Variants in CADM2 observed in about 807,000 individuals in gnomAD.
The protein encoded by CADM2 is immunoglobulin superfamily member 4D.
A neutral mutation model predicts 49.8 loss-of-function variants in CADM2; 12 were observed. The ratio of observed to expected loss-of-function variants is 0.24; its 90% confidence interval spans 0.15 to 0.39. CADM2 has a LOEUF of 0.39. CADM2 is among the 10% of genes least tolerant of loss of function. The pLI, the probability that CADM2 is intolerant of heterozygous loss-of-function variation, is 1.00. For missense variants in CADM2, 378 were observed against 492.3 expected, an observed-to-expected ratio of 0.77 and a Z score of 2.20; for synonymous variants, 214 against 175.4, an observed-to-expected ratio of 1.22 and a Z score of -1.74.
Position 85,617,329 on chromosome 3 carries a change from T to C in CADM2, c.62-109193T>C, listed in dbSNP as rs183076670. 3.1e-4 allele frequency among the ~76,000 whole-genome samples: 47 copies of C among 152,272 alleles called. 1 individual carries two copies. Among genetic ancestry groups the C allele is most frequent in the Admixed American group, 4.6e-4 (7 of 15,272 alleles). ...CAGAACTCAGGGAAACAGTTACTTA[T>C]GATTACCAGTTTATTACAAAGATAT... is the stretch of plus-strand genomic sequence containing the variant. On this transcript the variant is annotated intron_variant, in intron 1 of 9. Coordinates refer to ENST00000383699, the MANE Select transcript of CADM2 (RefSeq NM_001167675.2).
intron 1 of CADM2, among the ~76,000 whole-genome samples, chr3:85,597,536 C>A (rs1475475630): frequency 6.6e-6 from 1 of 152,000 alleles, no homozygotes; most frequent in African/African-American, 2.4e-5. Context: ...TAGTGGAAAA[C>A]AAATTATCAA....
At position 86,067,302 on chromosome 3, in the gene CADM2, C is replaced by T. The variant is rs1739440858; in HGVS notation, c.*519C>T. On this transcript the variant is annotated 3_prime_UTR_variant, in exon 10 of 10. Coordinates refer to ENST00000383699, the MANE Select transcript of CADM2 (RefSeq NM_001167675.2). ...GACAACATGCTTTGGAAACATATGT[C>T]CTAGAAAACATAAAATTAAAAAAAA... is the stretch of plus-strand genomic sequence containing the variant. 6.6e-6 allele frequency: 1 copy of T among 152,376 alleles called. No homozygotes were observed. The highest frequency in any genetic ancestry group is 6.6e-5 in the Admixed American group (1 of 15,244). 9.4% of individuals were successfully genotyped at this position (152,376 alleles called of 1,614,324 possible).
intron 1 of CADM2, among the ~76,000 whole-genome samples, chr3:85,633,911 T>G (rs1211094849): frequency 6.6e-6 from 1 of 152,032 alleles, no homozygotes; most frequent in Non-Finnish European, 1.5e-5. Context: ...TGCAATAGTG[T>G]CAATTCTGCC....
intron 1 of CADM2, among the ~76,000 whole-genome samples, chr3:85,059,812 C>A (rs2036237268): frequency 6.6e-6 from 1 of 152,148 alleles, no homozygotes; most frequent in Non-Finnish European, 1.5e-5. Flanking sequence ...GTCCTATAAA[C>A]CTTTCTTTTG....
chr3:85,231,495 G>T (rs1005892744), intron 1 of CADM2, among the ~76,000 whole-genome samples: 1 of 151,918 alleles, frequency 6.6e-6, no homozygotes, highest in Admixed American at 6.6e-5. Flanking sequence ...TCAGAGGTGG[G>T]CAAACACATG....
At chr3:85,276,696 GA>G (rs544741185) in intron 1 of CADM2, among the ~76,000 whole-genome samples, 3 of 149,204 alleles carry the variant, frequency 2.0e-5, no homozygotes, top group Non-Finnish European at 3.0e-5. Flanking sequence ...GGTGGTTTAT[GA>G]AAAAAAAAGC....
chr3:85,293,374 T>A (rs2106945938), intron 1 of CADM2, among the ~76,000 whole-genome samples: 1 of 149,942 alleles, frequency 6.7e-6, no homozygotes, highest in South Asian at 2.1e-4. Context: ...GAGGAACTGG[T>A]ACCATTCCTT....
chr3:84,968,205 A>G (rs889243974), intron 1 of CADM2, among the ~76,000 whole-genome samples: 1 of 151,884 alleles, frequency 6.6e-6, no homozygotes, highest in Admixed American at 6.6e-5. Flanking sequence ...TCTGTGTCCA[A>G]CTTCAGGATT....
chr3:85,691,316 A>G (rs1317542729), intron 1 of CADM2, among the ~76,000 whole-genome samples: 4 of 152,190 alleles, frequency 2.6e-5, no homozygotes, highest in African/African-American at 7.2e-5. Flanking sequence ...TCTCTGTGCA[A>G]TATTTTCTTT....
At chr3:85,105,052 T>C (rs576009866) in intron 1 of CADM2, among the ~76,000 whole-genome samples, 64 of 152,240 alleles carry the variant, frequency 4.2e-4, no homozygotes, top group Non-Finnish European at 7.9e-4. Flanking sequence ...CCTAGTTGAA[T>C]AGCCTTTATT....
chr3:84,976,138 A>G (rs970427200), intron 1 of CADM2, among the ~76,000 whole-genome samples: 1 of 151,844 alleles, frequency 6.6e-6, no homozygotes, highest in Non-Finnish European at 1.5e-5. Flanking sequence ...GTATTATAAT[A>G]CTTTCTAGCT....
intron 8 of CADM2, among the ~76,000 whole-genome samples, chr3:86,057,262 A>T (rs1312818416): frequency 2.0e-5 from 3 of 152,128 alleles, no homozygotes; most frequent in Admixed American, 6.6e-5. Flanking sequence ...ATGTTGTACC[A>T]TAGTGCCCCT....
intron 1 of CADM2, among the ~76,000 whole-genome samples, chr3:85,602,786 AG>A (rs911125650): frequency 5.3e-5 from 8 of 151,966 alleles, no homozygotes; most frequent in African/African-American, 1.9e-4. Flanking sequence ...ATACTGGCAG[AG>A]GTGTTCATTC....
intron 1 of CADM2, among the ~76,000 whole-genome samples, chr3:85,371,154 T>G (rs993013460): frequency 6.6e-6 from 1 of 152,076 alleles, no homozygotes; most frequent in Non-Finnish European, 1.5e-5. Context: ...ATAGAAAATT[T>G]TTTATATAAA....
chr3:85,099,340 T>C (rs2037924140), intron 1 of CADM2, among the ~76,000 whole-genome samples: 1 of 152,200 alleles, frequency 6.6e-6, no homozygotes, highest in Non-Finnish European at 1.5e-5. Flanking sequence ...CATCAGGGTT[T>C]GATCGCCTAC....
intron 2 of CADM2, among the ~76,000 whole-genome samples, chr3:85,727,548 C>T (rs559375154): frequency 1.3e-5 from 2 of 152,204 alleles, no homozygotes; most frequent in Admixed American, 1.3e-4. Flanking sequence ...AATTTTCTGT[C>T]TGGCTGTGAA....
intron 1 of CADM2, among the ~76,000 whole-genome samples, chr3:85,275,600 A>C (rs1256343829): frequency 6.6e-6 from 1 of 151,246 alleles, no homozygotes; most frequent in African/African-American, 2.4e-5. Context: ...TTGATTAAGC[A>C]TTCAGTTACA....
chr3:85,920,310 A>G (rs571164463), intron 6 of CADM2, among the ~76,000 whole-genome samples: 70 of 152,026 alleles, frequency 4.6e-4, no homozygotes, highest in African/African-American at 1.6e-3. Context: ...AGGAAATAGG[A>G]AAGGTGAAAT....
intron 1 of CADM2, among the ~76,000 whole-genome samples, chr3:85,414,623 G>A (rs1451398670): frequency 6.6e-6 from 1 of 151,734 alleles, no homozygotes. Flanking sequence ...TTTTCTGCTG[G>A]CTAAGCAATC....
Sources: gnomAD v4.1 joint callset for allele counts (sites outside exome capture counted in the v4.1 genomes callset) on GRCh38, gnomAD v4.1.1 for gene constraint, MANE v1.5 for transcripts, NCBI Gene and HGNC (gene_info 2026-07-23, HGNC 2026-07-21) for gene names.